The following FNIP2 variants were observed in gnomAD, a reference collection of about 807,000 sequenced individuals.
FNIP2 encodes folliculin interacting protein 2, also known as folliculin-interacting protein 2.
In FNIP2, 32 loss-of-function variants were observed where a neutral mutation model predicts 108.7. That is an observed-to-expected ratio of 0.29 (90% CI 0.22 to 0.40). The LOEUF (loss-of-function observed/expected upper bound fraction) is 0.40. Among genes scored for constraint, FNIP2 ranks in the 10% least tolerant of loss-of-function variants. The pLI is 1.00. For synonymous variants in FNIP2, 480 were observed against 496.7 expected (o/e 0.97, Z 0.45); for missense variants, 1,202 against 1,381.6 (o/e 0.87, Z 2.06).
At chr4:158,903,046 T>C (rs1215805469) in intron 16 of FNIP2, among the ~76,000 whole-genome samples, 1 of 152,200 alleles carries the variant, frequency 6.6e-6, no homozygotes, top group African/African-American at 2.4e-5. Flanking sequence ...AAAAAAACTC[T>C]TGCAGCTAGC....
intron 16 of FNIP2, among the ~76,000 whole-genome samples, chr4:158,903,090 G>A (rs1303473356): frequency 6.6e-6 from 1 of 152,190 alleles, no homozygotes; most frequent in Non-Finnish European, 1.5e-5. Context: ...CCAGTTTTGT[G>A]CTTGAAACCC....
At chr4:158,871,289 G>A (rs1269146820) in intron 14 of FNIP2, 16 of 744,532 alleles carry the variant, frequency 2.1e-5, no homozygotes, top group Non-Finnish European at 2.6e-5. Flanking sequence ...TTGGGCAGAT[G>A]TGCAAAAATA....
chr4:158,880,931 G>A (rs924675783), intron 14 of FNIP2, among the ~76,000 whole-genome samples: 2 of 152,140 alleles, frequency 1.3e-5, no homozygotes, highest in African/African-American at 2.4e-5. Context: ...GTAGTGCTGA[G>A]AAGGTGACTG....
In FNIP2 at chr4:158,879,812, CATTT is replaced by C. The variant is rs777182653; in HGVS notation, c.2949+9346_2949+9349del. 5.1e-4 allele frequency among the ~76,000 whole-genome samples: 77 copies of C among 150,528 alleles called. 2 individuals are homozygous for C. Among genetic ancestry groups the C allele is most frequent in the Non-Finnish European group, 9.3e-4 (63 of 67,792 alleles). ...TGAACAGACACTTCACAAAAGAAGACATTTATGCAGCCAACAGACACATGAAAAA... is the reference window on the plus strand; with the variant it reads ...TGAACAGACACTTCACAAAAGAAGACATGCAGCCAACAGACACATGAAAAA... On this transcript the variant is annotated intron_variant, in intron 14 of 16. Transcript: ENST00000264433.
At chr4:158,827,966 C>T (rs1346909555) in intron 2 of FNIP2, among the ~76,000 whole-genome samples, 1 of 151,284 alleles carries the variant, frequency 6.6e-6, no homozygotes, top group East Asian at 1.9e-4. Flanking sequence ...TGTTTTTTTC[C>T]AAGCAAAAGC....
intron 7 of FNIP2, among the ~76,000 whole-genome samples, chr4:158,837,979 C>CATGG (rs1778903897): frequency 6.6e-6 from 1 of 152,160 alleles, no homozygotes; most frequent in South Asian, 2.1e-4. Context: ...TCACAGAGTC[C>CATGG]ACGTCAAGAC....
chr4:158,838,858 C>G (rs1778958717), intron 7 of FNIP2, among the ~76,000 whole-genome samples: 1 of 152,142 alleles, frequency 6.6e-6, no homozygotes, highest in Non-Finnish European at 1.5e-5. Context: ...GGTGGTTTCT[C>G]AGATTTTCTT....
At chr4:158,889,979 A>T (rs1294782093) in intron 14 of FNIP2, 1 of 985,240 alleles carries the variant, frequency 1.0e-6, no homozygotes, top group Non-Finnish European at 1.2e-6. Context: ...ATGTGTAAGA[A>T]GCGTAGGGGT....
rs575424560 is a variant in FNIP2, at chr4:158,904,649, CAG to C, written c.*107_*108del. The C allele has an allele frequency of 4.3e-4, 412 of 959,972 alleles. 1 individual carries two copies. In the African/African-American group the frequency reaches 5.8e-3, roughly 14 times the overall value. 59.5% of individuals were successfully genotyped at this position (959,972 alleles called of 1,614,324 possible). ...ATGTCAAAAGCATGAGAAGAGCAAA[CAG>C]AAACAGTCATTCCACCTTTTTGTTT... is the stretch of plus-strand genomic sequence containing the variant. On this transcript the variant is annotated 3_prime_UTR_variant, in exon 17 of 17. Coordinates refer to ENST00000264433, the MANE Select transcript of FNIP2 (RefSeq NM_020840.3).
At chr4:158,785,491 T>C (rs1405593684) in intron 1 of FNIP2, among the ~76,000 whole-genome samples, 1 of 152,120 alleles carries the variant, frequency 6.6e-6, no homozygotes, top group Non-Finnish European at 1.5e-5. Flanking sequence ...ATTCGTTCTT[T>C]CTTTAATTTT....
intron 14 of FNIP2, chr4:158,872,344 A>G (rs1780999387): frequency 8.1e-6 from 8 of 985,414 alleles, no homozygotes; most frequent in Non-Finnish European, 9.6e-6. Flanking sequence ...CTCTGGCTCT[A>G]TAATTCTTTT....
chr4:158,805,913 A>G (rs35906938), intron 1 of FNIP2, among the ~76,000 whole-genome samples: 45,708 of 152,196 alleles, frequency 0.3, 7,509 homozygotes, highest in Non-Finnish European at 0.38. Context: ...TATAAGCTTA[A>G]GAACAAAAGT....
chr4:158,882,578 A>G (rs1781740346), intron 14 of FNIP2, among the ~76,000 whole-genome samples: 1 of 152,270 alleles, frequency 6.6e-6, no homozygotes. Context: ...CGGAGAAAAG[A>G]TAGAGAAATC....
chr4:158,901,717 C>T (rs557652072), intron 16 of FNIP2, among the ~76,000 whole-genome samples: 5 of 151,814 alleles, frequency 3.3e-5, no homozygotes, highest in South Asian at 4.2e-4. Context: ...CTTGTCTTCA[C>T]GCTTTATTTC....
intron 8 of FNIP2, 106 bp downstream of exon 8, chr4:158,851,556 AC>A (rs1779704117): frequency 1.5e-6 from 2 of 1,374,610 alleles, no homozygotes; most frequent in South Asian, 1.4e-5. Flanking sequence ...AAAAACCAAA[AC>A]TTTTTTATTA....
chr4:158,862,000 C>T (rs1022843300), intron 12 of FNIP2, among the ~76,000 whole-genome samples: 8 of 152,170 alleles, frequency 5.3e-5, no homozygotes, highest in Non-Finnish European at 1.0e-4. Context: ...GCAGTATAAG[C>T]CAACTGTGTT....
intron 1 of FNIP2, among the ~76,000 whole-genome samples, chr4:158,824,489 C>T (rs1259946748): frequency 6.6e-6 from 1 of 152,150 alleles, no homozygotes; most frequent in African/African-American, 2.4e-5. Context: ...GGGAAACCGG[C>T]TCAACTCTGT....
chr4:158,886,042 G>A (rs1782009028), intron 14 of FNIP2, among the ~76,000 whole-genome samples: 1 of 152,134 alleles, frequency 6.6e-6, no homozygotes, highest in East Asian at 1.9e-4. Flanking sequence ...ACACTCCCAG[G>A]AAATGGACCC....
rs763074830 is a variant in FNIP2 at position 158,891,634 on chromosome 4, C to A, written c.3138C>A (p.Leu1046=). ...TTTTACAGCTCTATAAGCTTCACCT[C>A]CCTGCTGATTTTGTAAGTACTGGTT... is the stretch of plus-strand genomic sequence containing the variant. ...QSILQLYKLH[L]PADFCIMHLE... is the part of the protein sequence containing the mutation. The change falls in exon 15 of 17, where the codon CTC becomes CTA. Residue 1046 remains leucine, a synonymous_variant. Coordinates refer to ENST00000264433, the MANE Select transcript of FNIP2 (RefSeq NM_020840.3). 5.3e-5 allele frequency: 86 copies of A among 1,611,440 alleles called. No homozygotes were observed. In the Admixed American group the frequency reaches 1.4e-3, roughly 25 times the overall value.
Sources: gnomAD v4.1 joint callset for allele counts (sites outside exome capture counted in the v4.1 genomes callset) on GRCh38, gnomAD v4.1.1 for gene constraint, MANE v1.5 for transcripts, NCBI Gene and HGNC (gene_info 2026-07-23, HGNC 2026-07-21) for gene names.